The following SLC40A1 variants were observed in gnomAD, a reference collection of about 807,000 sequenced individuals.
SLC40A1 encodes the protein solute carrier family 40 member 1.
In SLC40A1, 16 loss-of-function variants were observed where a neutral mutation model predicts 53.5. That is an observed-to-expected ratio of 0.30 (90% CI 0.20 to 0.45). SLC40A1 has a LOEUF of 0.45. Among genes scored for constraint, SLC40A1 ranks in the 20% least tolerant of loss-of-function variants. The probability of loss-of-function intolerance (pLI) is 1.00; values close to 1 mark genes in which losing one functional copy is unlikely to be tolerated. For synonymous variants in SLC40A1, 247 were observed against 253.2 expected, an observed-to-expected ratio of 0.98 and a Z score of 0.23; for missense variants, 545 against 695.4, an observed-to-expected ratio of 0.78 and a Z score of 2.43.
At chr2:189,571,684 C>T (rs1292130345) in intron 5 of SLC40A1, 31 bp downstream of exon 5, 14 of 1,609,960 alleles carry the variant, frequency 8.7e-6, no homozygotes, top group African/African-American at 1.3e-5. Context: ...TCCTAACATG[C>T]TCATTTCATT....
chr2:189,575,876 C>T (rs1020194536), intron 2 of SLC40A1, among the ~76,000 whole-genome samples: 15 of 152,142 alleles, frequency 9.9e-5, no homozygotes, highest in African/African-American at 2.4e-4. Context: ...AGTCATAATT[C>T]GAAAGTCATA....
chr2:189,577,461 G>A (rs2031322817), intron 2 of SLC40A1, among the ~76,000 whole-genome samples: 1 of 152,044 alleles, frequency 6.6e-6, no homozygotes, highest in Admixed American at 6.5e-5. Flanking sequence ...GACATATTGG[G>A]GTTTAAATGG....
At chr2:189,579,210 T>C (rs907984273) in intron 2 of SLC40A1, among the ~76,000 whole-genome samples, 4 of 152,170 alleles carry the variant, frequency 2.6e-5, no homozygotes, top group Non-Finnish European at 5.9e-5. Context: ...CTGATATTCA[T>C]TGGATGATTA....
At chr2:189,574,996 G>T (rs894003533) in intron 3 of SLC40A1, among the ~76,000 whole-genome samples, 165 bp downstream of exon 3, 5 of 152,164 alleles carry the variant, frequency 3.3e-5, no homozygotes, top group African/African-American at 1.2e-4. Context: ...GGGAGCCATG[G>T]GACCCTCCAT....
At chr2:189,572,755 C>A in intron 4 of SLC40A1, 91 bp downstream of exon 4, 1 of 889,638 alleles carries the variant, frequency 1.1e-6, no homozygotes, top group Non-Finnish European at 1.8e-6. Context: ...GTCACACTGG[C>A]CAAAAAAAAA....
At chr2:189,564,249 T>C in intron 6 of SLC40A1, 24 bp from the exon 7 acceptor site, 1 of 1,609,770 alleles carries the variant, frequency 6.2e-7, no homozygotes, top group Non-Finnish European at 8.5e-7. Context: ...ATACCATTAT[T>C]TTGTTGGGGA....
chr2:189,573,673 T>C (rs1365155672), intron 3 of SLC40A1, among the ~76,000 whole-genome samples: 1 of 152,212 alleles, frequency 6.6e-6, no homozygotes, highest in Non-Finnish European at 1.5e-5. Flanking sequence ...AAGGTGAGAA[T>C]GGTAATACCT....
At chr2:189,577,720 T>C (rs7604547) in intron 2 of SLC40A1, among the ~76,000 whole-genome samples, 78,055 of 150,894 alleles carry the variant, frequency 0.52, 21,467 homozygotes, top group East Asian at 0.82. Context: ...GTTCAAGCAA[T>C]TCTTCCACCT....
chr2:189,566,052 G>A (rs958637950), intron 5 of SLC40A1, among the ~76,000 whole-genome samples: 3 of 152,138 alleles, frequency 2.0e-5, no homozygotes, highest in African/African-American at 7.2e-5. Context: ...GTGTGTGTGT[G>A]TGTGTATACA....
chr2:189,580,221 G>A (rs773043914), intron 1 of SLC40A1, among the ~76,000 whole-genome samples, 197 bp downstream of exon 1: 43 of 151,980 alleles, frequency 2.8e-4, no homozygotes, highest in Non-Finnish European at 1.2e-4. Context: ...TACTCCATCC[G>A]TGCCTGTGTG....
rs772310546 is a variant in SLC40A1, at chr2:189,564,212, T to G, written c.774A>C (p.Lys258Asn). ...QLNLHKDTEP[K>N]PLEGTHLMGV... ...CCATTAGATGAGTTCCCTCCAGGGG[T>G]TTTGGCTCAGTATCTGTTAAGAAAA... is the stretch of plus-strand genomic sequence containing the variant. The change falls in exon 7 of 8, where the codon AAA (lysine) becomes AAC (asparagine). Residue 258 changes from lysine (K) to asparagine (N), a missense_variant. Around this residue, in one of 4 missense-constraint regions of SLC40A1, gnomAD observed 107 missense variants for 91.0 expected, o/e 1.18. Coordinates refer to ENST00000261024, the MANE Select transcript of SLC40A1 (RefSeq NM_014585.6). 1 of 1,613,750 alleles carries G rather than the reference T, an allele frequency of 6.2e-7. No homozygotes were observed. The highest frequency in any genetic ancestry group is 8.5e-7 in the Non-Finnish European group (1 of 1,179,730).
chr2:189,563,816 A>G lies in SLC40A1; in HGVS notation c.1170T>C (p.Ser390=), dbSNP rs1488405263. 3.7e-6 allele frequency: 6 copies of G among 1,614,092 alleles called. No homozygotes were observed. Among genetic ancestry groups the G allele is most frequent in the Non-Finnish European group, 5.1e-6 (6 of 1,180,034 alleles). Residue 390 remains serine (S), a synonymous_variant, in exon 7 of 8, where the codon TCT becomes TCC. Transcript: ENST00000261024. ...CCAGGGGGCTTCCAGGCATGAATAC[A>G]GAGATCACACACAAGATCAAACAGG... is the stretch of plus-strand genomic sequence containing the variant. The part of the protein sequence containing the change: ...QLSCLILCVI[S]VFMPGSPLDL...
intron 2 of SLC40A1, among the ~76,000 whole-genome samples, 189 bp downstream of exon 2, chr2:189,579,624 T>C (rs2105636337): frequency 6.6e-6 from 1 of 152,338 alleles, no homozygotes; most frequent in South Asian, 2.1e-4. Context: ...GATAATTAAG[T>C]TGCATTAACT....
At chr2:189,578,295 G>T (rs1418316234) in intron 2 of SLC40A1, 7 of 1,002,016 alleles carry the variant, frequency 7.0e-6, no homozygotes, top group Non-Finnish European at 8.4e-6. Flanking sequence ...TTATATGATT[G>T]TAGTTGCTGC....
chr2:189,565,671 C>T, intron 5 of SLC40A1, 72 bp from the exon 6 acceptor site: 1 of 1,590,222 alleles, frequency 6.3e-7, no homozygotes, highest in Non-Finnish European at 8.6e-7. Context: ...TTACACAATA[C>T]AAAGCTGTAA....
Position 189,563,877 on chromosome 2 carries a change from A to G in SLC40A1, c.1109T>C (p.Val370Ala). The change falls in exon 7 of 8, where the codon GTT (valine) becomes GCT (alanine). Residue 370 changes from valine to alanine, a missense_variant. By Grantham distance (64) the Val-to-Ala change is moderately conservative. Coordinates refer to ENST00000261024, the MANE Select transcript of SLC40A1 (RefSeq NM_014585.6). ...CAATCCTGAGATCAGACCTGTCCGA[A>G]CCAAACCACATTTTCGACGTAGCCA... is the stretch of plus-strand genomic sequence containing the variant. Reference protein sequence around the residue: ...FTWLRRKCGLVRTGLISGLAQ... With the variant: ...FTWLRRKCGLARTGLISGLAQ... The G allele has an allele frequency of 6.2e-7, 1 of 1,614,238 alleles. No homozygotes were observed. Among genetic ancestry groups the G allele is most frequent in the Non-Finnish European group, 8.5e-7 (1 of 1,180,042 alleles).
intron 3 of SLC40A1, 100 bp downstream of exon 3, chr2:189,575,061 C>T: frequency 7.4e-7 from 1 of 1,353,450 alleles, no homozygotes; most frequent in African/African-American, 1.4e-5. Context: ...GCAGACATTC[C>T]CTGGTTGTTT....
chr2:189,563,654 C>G lies in SLC40A1; in HGVS notation c.1332G>C (p.Glu444Asp), dbSNP rs764447643. Residue 444 changes from glutamate to aspartate, a missense_variant, in exon 7 of 8, where the codon GAG becomes GAC. Coordinates refer to ENST00000261024, the MANE Select transcript of SLC40A1 (RefSeq NM_014585.6). ...NGSNSANIVP[E>D]TSPESVPIIS... Reference sequence around the variant, plus strand: ...TTATGGGCACAGATTCAGGACTTGTCTCCGGGACAATATTAGCAGAATTAG... The same window carrying G: ...TTATGGGCACAGATTCAGGACTTGTGTCCGGGACAATATTAGCAGAATTAG... 12 of 1,614,162 alleles carry G rather than the reference C, an allele frequency of 7.4e-6. No homozygotes were observed. The East Asian group carries it at 2.7e-4, about 36-fold the overall frequency.
In SLC40A1 at chr2:189,573,757, T is replaced by C. The variant is rs1010167339; in HGVS notation, c.272-796A>G. Reference sequence around the variant, plus strand: ...CGAAAGCAGTTTGGAAAACATGAAGTTCTATATGTAAGGGATAATTACAGC... The same window carrying C: ...CGAAAGCAGTTTGGAAAACATGAAGCTCTATATGTAAGGGATAATTACAGC... On this transcript the variant is annotated intron_variant, in intron 3 of 7. Transcript: ENST00000261024. Among the ~76,000 whole-genome samples, 18 of 152,328 alleles carry C rather than the reference T, an allele frequency of 1.2e-4. 1 individual carries two copies. In the South Asian group the frequency reaches 3.7e-3, roughly 32 times the overall value.
Sources: allele counts gnomAD v4.1 joint callset (sites outside exome capture counted in the v4.1 genomes callset), GRCh38; gene constraint gnomAD v4.1.1; regional missense constraint gnomAD v4.1.1; transcripts MANE v1.5; gene names NCBI Gene and HGNC (gene_info 2026-07-23, HGNC 2026-07-21).